The following XYLT1 variants were observed in gnomAD, a reference collection of about 807,000 sequenced individuals.
The protein encoded by XYLT1 is beta-D-xylosyltransferase 1.
XYLT1 carries 36 observed loss-of-function variants against 91.3 expected under a neutral mutation model. The observed-to-expected ratio is 0.39, with a 90% confidence interval of 0.30 to 0.52. XYLT1 has a LOEUF of 0.52. Ranked by LOEUF, XYLT1 falls within the 20% of genes least tolerant of loss-of-function variation. XYLT1 has a pLI of 0.68. For missense variants in XYLT1, 1,242 were observed against 1,284.5 expected (o/e 0.97, Z 0.51); for synonymous variants, 588 against 532.0 (o/e 1.11, Z -1.45).
chr16:17,376,469 CT>C (rs1431470464), intron 1 of XYLT1, among the ~76,000 whole-genome samples: 2 of 152,192 alleles, frequency 1.3e-5, no homozygotes, highest in Non-Finnish European at 2.9e-5. Context: ...GGTGATGTCT[CT>C]TTTGCTCACA....
At chr16:17,163,499 T>C (rs1001397990) in intron 5 of XYLT1, among the ~76,000 whole-genome samples, 1 of 152,220 alleles carries the variant, frequency 6.6e-6, no homozygotes, top group Non-Finnish European at 1.5e-5. Context: ...TGCACCTCTC[T>C]GGGCTCCCGG....
chr16:17,460,479 C>T (rs1233057178), intron 1 of XYLT1, among the ~76,000 whole-genome samples: 5 of 152,182 alleles, frequency 3.3e-5, no homozygotes, highest in Non-Finnish European at 7.3e-5. Flanking sequence ...CAGTGAGAGG[C>T]AAATAAGTGC....
At chr16:17,351,227 AT>A (rs1328561806) in intron 2 of XYLT1, among the ~76,000 whole-genome samples, 2 of 152,080 alleles carry the variant, frequency 1.3e-5, no homozygotes, top group Non-Finnish European at 2.9e-5. Flanking sequence ...TAGAAGATAA[AT>A]GTGTCGGCCA....
chr16:17,265,220 A>T (rs1409286032), intron 2 of XYLT1, among the ~76,000 whole-genome samples: 5 of 152,126 alleles, frequency 3.3e-5, no homozygotes, highest in African/African-American at 1.2e-4. Context: ...CTCTTGGGTA[A>T]TTCAGTGAGG....
intron 1 of XYLT1, among the ~76,000 whole-genome samples, chr16:17,462,701 C>A (rs2036839174): frequency 6.6e-6 from 1 of 152,148 alleles, no homozygotes; most frequent in South Asian, 2.1e-4. Flanking sequence ...GAAAGAAAGG[C>A]CATTGTCCCC....
intron 1 of XYLT1, among the ~76,000 whole-genome samples, chr16:17,396,329 C>A (rs139941492): frequency 6.6e-6 from 1 of 152,264 alleles, no homozygotes; most frequent in East Asian, 1.9e-4. Context: ...GCTTCTGAGT[C>A]TGAAAGCTCA....
chr16:17,386,165 C>T (rs946947413), intron 1 of XYLT1, among the ~76,000 whole-genome samples: 2 of 152,152 alleles, frequency 1.3e-5, no homozygotes, highest in African/African-American at 2.4e-5. Flanking sequence ...TGGGCTAAGC[C>T]TGAGTTTTAC....
At chr16:17,349,125 G>A (rs112107275) in intron 2 of XYLT1, among the ~76,000 whole-genome samples, 46 of 152,324 alleles carry the variant, frequency 3.0e-4, no homozygotes, top group African/African-American at 1.0e-3. Flanking sequence ...TGTGCTCACC[G>A]TCTGCAGGGC....
chr16:17,252,126 G>GA (rs111331165), intron 3 of XYLT1, among the ~76,000 whole-genome samples: 23 of 149,718 alleles, frequency 1.5e-4, no homozygotes, highest in African/African-American at 4.1e-4. Context: ...AGTAATTGCA[G>GA]AAAAAAAAAA....
chr16:17,131,704 A>AAAATCAATAAACATTATT (rs2030485304), intron 9 of XYLT1, among the ~76,000 whole-genome samples: 5 of 152,384 alleles, frequency 3.3e-5, no homozygotes, highest in Admixed American at 1.3e-4. Flanking sequence ...ATGAGAAAAA[A>AAAATCAATAAACATTATT]AAATCAATAA....
intron 6 of XYLT1, among the ~76,000 whole-genome samples, chr16:17,158,352 CTT>C (rs970996176): frequency 2.0e-5 from 3 of 152,212 alleles, no homozygotes; most frequent in African/African-American, 4.8e-5. Flanking sequence ...GTATGACACT[CTT>C]TTCCACTACA....
At chr16:17,439,066 T>C (rs1479266137) in intron 1 of XYLT1, among the ~76,000 whole-genome samples, 2 of 152,156 alleles carry the variant, frequency 1.3e-5, no homozygotes, top group Non-Finnish European at 2.9e-5. Flanking sequence ...AATACAGAAA[T>C]ATTGGTAAAT....
intron 10 of XYLT1, among the ~76,000 whole-genome samples, chr16:17,122,429 C>G (rs2030100406): frequency 1.3e-5 from 2 of 152,282 alleles, no homozygotes; most frequent in South Asian, 2.1e-4. Flanking sequence ...CCTTAGCCCA[C>G]TTTTTGATGG....
intron 3 of XYLT1, among the ~76,000 whole-genome samples, chr16:17,240,176 T>C (rs1567337214): frequency 6.6e-6 from 1 of 152,082 alleles, no homozygotes; most frequent in Non-Finnish European, 1.5e-5. Flanking sequence ...GGGAGAGGCA[T>C]GAGAACAGGG....
intron 2 of XYLT1, among the ~76,000 whole-genome samples, chr16:17,306,515 AC>A (rs1488385241): frequency 7.9e-5 from 12 of 151,594 alleles, no homozygotes; most frequent in Admixed American, 1.3e-4. Context: ...AGATCACACC[AC>A]TGCACTCCAG....
intron 2 of XYLT1, among the ~76,000 whole-genome samples, chr16:17,280,702 G>A (rs868046611): frequency 3.3e-5 from 5 of 152,138 alleles, no homozygotes; most frequent in East Asian, 1.9e-4. Flanking sequence ...TAGTTAATAC[G>A]TATGTGTTCA....
chr16:17,317,629 C>CAAAAAA (rs35666149), intron 2 of XYLT1, among the ~76,000 whole-genome samples: 1 of 57,992 alleles, frequency 1.7e-5, no homozygotes, highest in Non-Finnish European at 3.0e-5. Flanking sequence ...GACGCTGTCT[C>CAAAAAA]AAAAAAAAAA....
chr16:17,384,824 C>A (rs1201943883), intron 1 of XYLT1, among the ~76,000 whole-genome samples: 2 of 151,924 alleles, frequency 1.3e-5, no homozygotes, highest in African/African-American at 2.4e-5. Flanking sequence ...TCTGACTTCT[C>A]TTTGACAGCA....
intron 5 of XYLT1, among the ~76,000 whole-genome samples, chr16:17,165,185 C>T (rs2031647055): frequency 6.6e-6 from 1 of 152,208 alleles, no homozygotes. Flanking sequence ...TTGAATGCCT[C>T]CTATGTGGTA....
Sources: gnomAD v4.1 joint callset for allele counts (sites outside exome capture counted in the v4.1 genomes callset) on GRCh38, gnomAD v4.1.1 for gene constraint, MANE v1.5 for transcripts, NCBI Gene and HGNC (gene_info 2026-07-23, HGNC 2026-07-21) for gene names.